Variants in TRDN observed in about 807,000 individuals in gnomAD.
TRDN encodes triadin, also known as triadin in skeletal muscle.
In TRDN, 161 loss-of-function variants were observed where a neutral mutation model predicts 149.7. The observed-to-expected ratio is 1.08, with a 90% CI of 0.95 to 1.23. TRDN has a LOEUF of 1.23. TRDN is among the 50% of genes most tolerant of loss of function. The probability of loss-of-function intolerance (pLI) is 0.00; values close to 1 mark genes in which losing one functional copy is unlikely to be tolerated. For synonymous variants in TRDN, 294 were observed against 250.5 expected, an observed-to-expected ratio of 1.17 and a Z score of -1.64; for missense variants, 896 against 823.5, an observed-to-expected ratio of 1.09 and a Z score of -1.08.
chr6:123,617,480 G>GA (rs892250993), intron 1 of TRDN, among the ~76,000 whole-genome samples: 10 of 149,914 alleles, frequency 6.7e-5, no homozygotes, highest in East Asian at 3.9e-4. Context: ...TATATTAGTG[G>GA]AAAAAAAAAT....
intron 24 of TRDN, among the ~76,000 whole-genome samples, chr6:123,291,772 T>C (rs892549202): frequency 3.9e-5 from 6 of 152,304 alleles, no homozygotes; most frequent in Middle Eastern, 3.4e-3. Context: ...TCTAAAGGTA[T>C]TAATTTGCTA....
chr6:123,337,644 C>G lies in TRDN; in HGVS notation c.1395G>C (p.Lys465Asn), dbSNP rs1323480717. ...EQEIRKEKSG[K>N]TSSILKDKEP... ...CTTTATCTTTCAGAATTGAAGAAGT[C>G]TTCCCAGATTTTTCTTTTCTAATTT... Residue 465 changes from lysine (K) to asparagine (N), a missense_variant, in exon 22 of 41, where the codon AAG (lysine) becomes AAC (asparagine). Lys to Asn is a moderately conservative substitution (Grantham distance 94). Coordinates refer to ENST00000334268, the MANE Select transcript of TRDN (RefSeq NM_006073.4). 23 of 1,449,842 alleles carry G rather than the reference C, an allele frequency of 1.6e-5. No homozygotes were observed. Among genetic ancestry groups the G allele is most frequent in the Non-Finnish European group, 1.9e-5 (21 of 1,081,032 alleles). 89.8% of individuals were successfully genotyped at this position (1,449,842 alleles called of 1,614,324 possible).
chr6:123,472,522 C>A (rs1341037825), intron 9 of TRDN, among the ~76,000 whole-genome samples: 1 of 152,206 alleles, frequency 6.6e-6, no homozygotes, highest in Non-Finnish European at 1.5e-5. Context: ...CCCGCCATTG[C>A]CCAGGCTTTC....
intron 1 of TRDN, among the ~76,000 whole-genome samples, chr6:123,622,517 A>C (rs1169768445): frequency 2.6e-5 from 4 of 152,154 alleles, no homozygotes; most frequent in Non-Finnish European, 5.9e-5. Flanking sequence ...TCAAGAGTCA[A>C]CCGCATATGT....
chr6:123,312,976 T>TA (rs1235797265), intron 24 of TRDN, among the ~76,000 whole-genome samples: 11 of 151,962 alleles, frequency 7.2e-5, no homozygotes, highest in Admixed American at 5.9e-4. Context: ...TATTGTATAA[T>TA]AAAAAATGCC....
At chr6:123,368,274 G>A (rs746094903) in intron 19 of TRDN, among the ~76,000 whole-genome samples, 5 of 152,090 alleles carry the variant, frequency 3.3e-5, no homozygotes, top group African/African-American at 4.8e-5. Context: ...CTATCAGGTT[G>A]CACCACTCTC....
intron 7 of TRDN, among the ~76,000 whole-genome samples, chr6:123,507,813 G>A (rs906719625): frequency 3.3e-5 from 5 of 152,146 alleles, no homozygotes; most frequent in Admixed American, 6.6e-5. Context: ...TGGAATTAGC[G>A]TGATCCATTA....
intron 39 of TRDN, among the ~76,000 whole-genome samples, chr6:123,222,720 C>CT (rs145683948): frequency 0.053 from 8,049 of 150,626 alleles, 626 homozygotes; most frequent in African/African-American, 0.19. Context: ...AGAGAAAATA[C>CT]TTTTTTTTTA....
intron 10 of TRDN, among the ~76,000 whole-genome samples, chr6:123,455,850 C>T (rs1157042337): frequency 3.9e-5 from 6 of 151,998 alleles, no homozygotes; most frequent in Non-Finnish European, 8.8e-5. Flanking sequence ...TTACTGTTTC[C>T]ATATTTTATC....
At chr6:123,366,730 C>G (rs995551940) in intron 19 of TRDN, among the ~76,000 whole-genome samples, 1 of 152,104 alleles carries the variant, frequency 6.6e-6, no homozygotes, top group Admixed American at 6.6e-5. Context: ...GTTGGCCAGG[C>G]TGGTCTTGAA....
intron 1 of TRDN, among the ~76,000 whole-genome samples, chr6:123,581,939 A>T (rs1183247643): frequency 1.3e-5 from 2 of 152,228 alleles, no homozygotes; most frequent in Admixed American, 6.5e-5. Context: ...ATGGGTAGAT[A>T]GCCAATCAAA....
chr6:123,349,939 AT>A (rs71541227), intron 21 of TRDN: 128,427 of 985,138 alleles, frequency 0.13, 8,503 homozygotes, highest in South Asian at 0.23. Context: ...GTAGGGAACC[AT>A]TGTTTACAGA....
rs540055298 is a variant in TRDN, at chr6:123,382,983, C to A, written c.1136-836G>T. ...CTGTTTCTGTAAGAACTTTTAAATT[C>A]TCTATTACTGAAATTAGAATCATAA... On this transcript the variant is annotated intron_variant, in intron 14 of 40. Transcript: ENST00000334268. Among the ~76,000 whole-genome samples the A allele has an allele frequency of 1.2e-4, 18 of 152,072 alleles. No individual in the cohort carries two copies. In the East Asian group the frequency reaches 1.3e-3, roughly 11 times the overall value.
chr6:123,412,704 G>A lies in TRDN; in HGVS notation c.1052-19027C>T, dbSNP rs946465832. ...GCTCAGCTGGGAACTTACCAAACTC[G>A]GATATGTAGCTTTTAGTAACTTCTA... On this transcript the variant is annotated intron_variant, in intron 12 of 40. Transcript: ENST00000334268. 3.0e-4 allele frequency among the ~76,000 whole-genome samples: 45 copies of A among 151,874 alleles called. 1 individual carries two copies. Among genetic ancestry groups the A allele is most frequent in the Non-Finnish European group, 1.0e-4 (7 of 67,958 alleles).
At chr6:123,617,593 G>A (rs1386703174) in intron 1 of TRDN, among the ~76,000 whole-genome samples, 1 of 152,046 alleles carries the variant, frequency 6.6e-6, no homozygotes. Flanking sequence ...GAATAATCTT[G>A]TTCGTCAATG....
chr6:123,539,960 G>A (rs577617517), intron 4 of TRDN, among the ~76,000 whole-genome samples: 13 of 152,290 alleles, frequency 8.5e-5, no homozygotes, highest in East Asian at 7.7e-4. Context: ...CCTACAGATT[G>A]TTATTTAGCA....
intron 8 of TRDN, 76 bp downstream of exon 8, chr6:123,503,642 CT>C: frequency 6.3e-7 from 1 of 1,585,194 alleles, no homozygotes; most frequent in South Asian, 1.2e-5. Context: ...TCTTTTTCAA[CT>C]TTTAATTTCA....
chr6:123,358,366 T>C (rs1780766041), intron 20 of TRDN, among the ~76,000 whole-genome samples: 1 of 152,168 alleles, frequency 6.6e-6, no homozygotes, highest in Admixed American at 6.5e-5. Context: ...CCTACAATTT[T>C]CCTTCAGCAC....
At chr6:123,280,731 C>A (rs1045457855) in intron 24 of TRDN, among the ~76,000 whole-genome samples, 2 of 149,256 alleles carry the variant, frequency 1.3e-5, no homozygotes, top group East Asian at 3.9e-4. Context: ...TCTGATGCAG[C>A]GGAATTGCTT....
Sources: allele counts gnomAD v4.1 joint callset (sites outside exome capture counted in the v4.1 genomes callset), GRCh38; gene constraint gnomAD v4.1.1; transcripts MANE v1.5; gene names NCBI Gene and HGNC (gene_info 2026-07-23, HGNC 2026-07-21).